The following MAPK10 variants were observed in gnomAD, a reference collection of about 807,000 sequenced individuals.
MAPK10 encodes the protein mitogen-activated protein kinase 10.
A neutral mutation model predicts 59.3 loss-of-function variants in MAPK10; 25 were observed. The ratio of observed to expected loss-of-function variants is 0.42; its 90% CI spans 0.31 to 0.59. The LOEUF (loss-of-function observed/expected upper bound fraction) is 0.59, where lower values mean the gene tolerates loss of function less well. Among genes scored for constraint, MAPK10 ranks in the 20% least tolerant of loss-of-function variants. The probability of loss-of-function intolerance (pLI) is 0.15; values close to 1 mark genes in which losing one functional copy is unlikely to be tolerated. For missense variants in MAPK10, 351 were observed against 568.9 expected, an observed-to-expected ratio of 0.62 and a Z score of 3.90; for synonymous variants, 190 against 200.5, an observed-to-expected ratio of 0.95 and a Z score of 0.44.
At chr4:86,106,580 T>C (rs1475874361) in intron 5 of MAPK10, among the ~76,000 whole-genome samples, 1 of 151,864 alleles carries the variant, frequency 6.6e-6, no homozygotes, top group East Asian at 1.9e-4. Context: ...TCTTGGCCTG[T>C]GATTGAAGGA....
At chr4:86,107,427 A>G in intron 4 of MAPK10, 75 bp from the exon 5 acceptor site, 1 of 1,537,300 alleles carries the variant, frequency 6.5e-7, no homozygotes, top group Non-Finnish European at 8.7e-7. Context: ...GATTAAGGAT[A>G]CTGGTAAAGA....
At chr4:86,177,148 A>G (rs1177383141) in intron 3 of MAPK10, among the ~76,000 whole-genome samples, 1 of 152,134 alleles carries the variant, frequency 6.6e-6, no homozygotes, top group East Asian at 1.9e-4. Context: ...ATGAAACACC[A>G]GTGCCTTCAA....
At chr4:86,405,851 G>A (rs906702563) in intron 1 of MAPK10, among the ~76,000 whole-genome samples, 4 of 152,180 alleles carry the variant, frequency 2.6e-5, no homozygotes, top group Admixed American at 2.0e-4. Context: ...TCAATGTCTA[G>A]AAGGAAAGTG....
chr4:86,367,673 GT>G (rs781358587), intron 1 of MAPK10, among the ~76,000 whole-genome samples: 2 of 147,470 alleles, frequency 1.4e-5, no homozygotes, highest in East Asian at 4.0e-4. Context: ...GTTTTGTTTT[GT>G]TTTTTTTGGT....
intron 13 of MAPK10, among the ~76,000 whole-genome samples, chr4:86,022,213 C>T (rs1256570061): frequency 1.3e-5 from 2 of 152,222 alleles, no homozygotes; most frequent in African/African-American, 2.4e-5. Context: ...TACATTACTA[C>T]CAGCAGTATA....
chr4:86,432,808 T>C (rs1748217526), intron 1 of MAPK10, among the ~76,000 whole-genome samples: 8 of 152,236 alleles, frequency 5.3e-5, no homozygotes, highest in Admixed American at 2.6e-4. Context: ...GTTACCATAA[T>C]GGGCAACAAG....
chr4:86,225,505 T>C (rs2090452327), intron 2 of MAPK10, among the ~76,000 whole-genome samples: 1 of 152,062 alleles, frequency 6.6e-6, no homozygotes, highest in African/African-American at 2.4e-5. Flanking sequence ...TCATGGGCCA[T>C]TTTCTTTTGC....
chr4:86,225,424 G>A (rs1316367251), intron 2 of MAPK10, among the ~76,000 whole-genome samples: 1 of 152,024 alleles, frequency 6.6e-6, no homozygotes, highest in Non-Finnish European at 1.5e-5. Flanking sequence ...GTAGGAAATG[G>A]GCAAGTCCTG....
intron 2 of MAPK10, among the ~76,000 whole-genome samples, chr4:86,248,892 A>G (rs1264940011): frequency 6.6e-6 from 1 of 152,212 alleles, no homozygotes; most frequent in African/African-American, 2.4e-5. Flanking sequence ...TGGTGAGAAT[A>G]AAGATGTGCT....
In MAPK10 at chr4:86,488,764, C is replaced by T. The variant is rs969093214; in HGVS notation, c.-263+105146G>A. Among the ~76,000 whole-genome samples, 3 of 152,162 alleles carry T rather than the reference C, an allele frequency of 2.0e-5. No individual in the cohort carries two copies. In the South Asian group the frequency reaches 6.2e-4, roughly 32 times the overall value. On this transcript the variant is annotated intron_variant, in intron 1 of 4. Transcript: ENST00000502302. The stretch of plus-strand genomic sequence containing the variant: ...CTGCCCACCCTTCCCCATTTCTGCA[C>T]CTCTCTCTTCCATCATCTTCAAACT...
At chr4:86,421,795 C>T (rs1047875385) in intron 1 of MAPK10, among the ~76,000 whole-genome samples, 2 of 152,102 alleles carry the variant, frequency 1.3e-5, no homozygotes, top group Admixed American at 6.5e-5. Flanking sequence ...AGGATCGTGC[C>T]GCTCCTCTGA....
chr4:86,236,326 G>A (rs2092224106), intron 2 of MAPK10, among the ~76,000 whole-genome samples: 1 of 152,188 alleles, frequency 6.6e-6, no homozygotes, highest in Non-Finnish European at 1.5e-5. Context: ...GAAATTGGGA[G>A]GAGGGTGAGG....
intron 3 of MAPK10, among the ~76,000 whole-genome samples, chr4:86,180,801 T>C (rs902932400): frequency 2.0e-5 from 3 of 151,924 alleles, no homozygotes; most frequent in South Asian, 2.1e-4. Flanking sequence ...TAAAAAAAGT[T>C]GATCTCATAG....
intron 1 of MAPK10, among the ~76,000 whole-genome samples, chr4:86,524,676 A>T (rs892856343): frequency 2.6e-5 from 4 of 152,144 alleles, no homozygotes; most frequent in Non-Finnish European, 5.9e-5. Context: ...GTTTCTGGTC[A>T]TGTAACACTG....
rs1579228722 is a variant in MAPK10, at chr4:86,440,228, A to G, written c.-122+12802T>C. 2.0e-5 allele frequency among the ~76,000 whole-genome samples: 3 copies of G among 152,184 alleles called. No homozygotes were observed. The East Asian group carries it at 5.8e-4, about 29-fold the overall frequency. ...AATGGGCATGTTCTTTGAACTACAA[A>G]TTCCATATTTAATAATGTATTATAA... On this transcript the variant is annotated intron_variant, in intron 1 of 13. Transcript: ENST00000361569.
chr4:86,222,540 C>G (rs2089865169), intron 2 of MAPK10, among the ~76,000 whole-genome samples: 1 of 152,208 alleles, frequency 6.6e-6, no homozygotes, highest in South Asian at 2.1e-4. Flanking sequence ...ATGGGATCAG[C>G]TGAGGTCTCT....
intron 10 of MAPK10, among the ~76,000 whole-genome samples, chr4:86,067,453 T>C (rs946820832): frequency 4.6e-5 from 7 of 152,010 alleles, no homozygotes; most frequent in African/African-American, 1.7e-4. Context: ...GCCCTGAATA[T>C]CCAGACAATT....
At position 86,198,051 on chromosome 4, in the gene MAPK10, G is replaced by A. The variant is rs566321020; in HGVS notation, c.-6-3644C>T. On this transcript the variant is annotated intron_variant, in intron 2 of 13. Coordinates refer to ENST00000641462, the MANE Select transcript of MAPK10 (RefSeq NM_138982.4). ...GATCCACCCCAATTAGTCATTGTAT[G>A]GGGATGGGGAGAAACTAGATTCCTG... 4.6e-5 allele frequency among the ~76,000 whole-genome samples: 7 copies of A among 152,238 alleles called. No homozygotes were observed. In the South Asian group the frequency reaches 1.0e-3, roughly 23 times the overall value.
At chr4:86,330,720 T>G (rs149259245) in intron 2 of MAPK10, among the ~76,000 whole-genome samples, 1,869 of 152,324 alleles carry the variant, frequency 0.012, 39 homozygotes, top group African/African-American at 0.042. Context: ...TTAAACCTCT[T>G]TCCTTTATAA....
Sources: gnomAD v4.1 joint callset for allele counts (sites outside exome capture counted in the v4.1 genomes callset) on GRCh38, gnomAD v4.1.1 for gene constraint, MANE v1.5 for transcripts, NCBI Gene and HGNC (gene_info 2026-07-23, HGNC 2026-07-21) for gene names.